The following ZNF385D variants were observed in gnomAD, a reference collection of about 807,000 sequenced individuals.
The protein encoded by ZNF385D is zinc finger protein 659.
ZNF385D carries 15 observed loss-of-function variants against 35.8 expected under a neutral mutation model. That is an observed-to-expected ratio of 0.42 (90% CI 0.28 to 0.64). The LOEUF (loss-of-function observed/expected upper bound fraction) is 0.64, where lower values mean the gene tolerates loss of function less well. Ranked by LOEUF, ZNF385D falls within the 30% of genes least tolerant of loss-of-function variation. The probability of loss-of-function intolerance (pLI) is 0.23; values close to 1 mark genes in which losing one functional copy is unlikely to be tolerated. For synonymous variants in ZNF385D, 212 were observed against 186.8 expected (o/e 1.13, Z -1.10); for missense variants, 474 against 494.6 (o/e 0.96, Z 0.39).
chr3:22,061,151 A>G (rs541721093), intron 3 of ZNF385D, among the ~76,000 whole-genome samples: 15 of 152,296 alleles, frequency 9.8e-5, no homozygotes, highest in Admixed American at 5.9e-4. Context: ...GTTGCAAAGA[A>G]TTATTCTCTC....
chr3:22,161,855 A>G (rs1054307689), intron 3 of ZNF385D, among the ~76,000 whole-genome samples: 6 of 152,196 alleles, frequency 3.9e-5, no homozygotes, highest in Non-Finnish European at 7.3e-5. Flanking sequence ...GTATGGTATA[A>G]TTTTGTTGAC....
intron 4 of ZNF385D, among the ~76,000 whole-genome samples, chr3:21,448,612 A>G (rs1702281472): frequency 6.6e-6 from 1 of 152,216 alleles, no homozygotes; most frequent in Non-Finnish European, 1.5e-5. Flanking sequence ...CAGATTATTT[A>G]CAGAAAGACT....
Position 21,725,874 on chromosome 3 carries a change from A to G in ZNF385D, c.22+25021T>C, listed in dbSNP as rs141779037. ...GACACCAAAACCCGGCAGAGACATA[A>G]CAAAAAAAATTTCAGGCCAATATCC... On this transcript the variant is annotated intron_variant, in intron 1 of 7. Transcript: ENST00000281523. Among the ~76,000 whole-genome samples the G allele has an allele frequency of 6.2e-4, 95 of 152,238 alleles. No homozygotes were observed. The East Asian group carries it at 0.017, about 27-fold the overall frequency.
chr3:21,535,967 G>T (rs890757293), intron 3 of ZNF385D, among the ~76,000 whole-genome samples: 67 of 149,598 alleles, frequency 4.5e-4, no homozygotes, highest in African/African-American at 1.6e-3. Context: ...CTGGGATGAA[G>T]AAAATATCCT....
At chr3:22,371,673 G>A (rs77043809) in intron 2 of ZNF385D, among the ~76,000 whole-genome samples, 3,408 of 152,230 alleles carry the variant, frequency 0.022, 128 homozygotes, top group African/African-American at 0.078. Flanking sequence ...CTCCCAAAAT[G>A]CAAGAGGTCA....
chr3:22,320,947 G>A (rs1428550739), intron 2 of ZNF385D, among the ~76,000 whole-genome samples: 11 of 151,692 alleles, frequency 7.3e-5, no homozygotes, highest in South Asian at 4.2e-4. Flanking sequence ...AAAATGGATC[G>A]TTAACAAAAG....
At chr3:21,944,522 A>G (rs1198666064) in intron 3 of ZNF385D, among the ~76,000 whole-genome samples, 2 of 152,236 alleles carry the variant, frequency 1.3e-5, no homozygotes, top group African/African-American at 2.4e-5. Context: ...GTTCGCAAGG[A>G]AAGGCTTGTC....
chr3:21,591,857 A>G (rs2063985752), intron 2 of ZNF385D, among the ~76,000 whole-genome samples: 1 of 152,074 alleles, frequency 6.6e-6, no homozygotes, highest in Non-Finnish European at 1.5e-5. Flanking sequence ...CTTTCATACC[A>G]ATGGCTTTCA....
chr3:22,059,713 G>C (rs538348792), intron 3 of ZNF385D, among the ~76,000 whole-genome samples: 1 of 152,122 alleles, frequency 6.6e-6, no homozygotes, highest in African/African-American at 2.4e-5. Context: ...GAGATTTTTC[G>C]ATTTTGTTTG....
intron 2 of ZNF385D, among the ~76,000 whole-genome samples, chr3:22,245,309 C>T (rs533350195): frequency 2.0e-5 from 3 of 152,026 alleles, no homozygotes; most frequent in African/African-American, 7.2e-5. Flanking sequence ...AGCATTCCTA[C>T]CATATGACAG....
intron 3 of ZNF385D, among the ~76,000 whole-genome samples, chr3:21,964,758 C>G (rs1386970907): frequency 6.6e-6 from 1 of 150,664 alleles, no homozygotes; most frequent in Admixed American, 6.6e-5. Context: ...TCCCAAAGTG[C>G]TGGGATTATA....
chr3:22,060,523 T>C (rs1699635670), intron 3 of ZNF385D, among the ~76,000 whole-genome samples: 2 of 152,196 alleles, frequency 1.3e-5, no homozygotes, highest in Admixed American at 1.3e-4. Context: ...TAAGTTTTCA[T>C]TTTGTAAAGC....
chr3:21,954,331 G>C (rs527891757), intron 3 of ZNF385D, among the ~76,000 whole-genome samples: 1 of 151,974 alleles, frequency 6.6e-6, no homozygotes, highest in South Asian at 2.1e-4. Context: ...GCCCCAATAT[G>C]TCTTTTGTTT....
rs10663615 is a variant in ZNF385D, at chr3:21,610,144, C to CA, written c.166-45461dup. ...CAATTTAGGCAACAGTCGCATCTAC[C>CA]AAAAAAAAAATGTGTTTATGCATAT... On this transcript the variant is annotated intron_variant, in intron 2 of 7. Transcript: ENST00000281523. 3.4e-3 allele frequency among the ~76,000 whole-genome samples: 514 copies of CA among 149,094 alleles called. 2 individuals are homozygous for CA. Among genetic ancestry groups the CA allele is most frequent in the Non-Finnish European group, 5.8e-3 (388 of 67,316 alleles).
At chr3:21,562,308 ATG>A (rs1473461247) in intron 3 of ZNF385D, among the ~76,000 whole-genome samples, 1 of 152,082 alleles carries the variant, frequency 6.6e-6, no homozygotes, top group African/African-American at 2.4e-5. Flanking sequence ...AAAAATATGT[ATG>A]TGTTTTCTAA....
chr3:21,758,833 C>A (rs1171724237), intron 3 of ZNF385D, among the ~76,000 whole-genome samples: 1 of 151,616 alleles, frequency 6.6e-6, no homozygotes, highest in Non-Finnish European at 1.5e-5. Flanking sequence ...CAGACACTGG[C>A]CTCTCACTTT....
rs1703469302 is a variant in ZNF385D at position 21,465,708 on chromosome 3, T to C, written c.440-28505A>G. Among the ~76,000 whole-genome samples the C allele has an allele frequency of 2.0e-5, 3 of 152,252 alleles. No homozygotes were observed. The South Asian group carries it at 6.2e-4, about 31-fold the overall frequency. ...TCTTCCTTTCCTGTGAAAATTCACC[T>C]GTGTGAATTTACAACATTTCTATAA... On this transcript the variant is annotated intron_variant, in intron 4 of 7. Transcript: ENST00000281523. The surrounding 1 kb of genome is among the most constrained non-coding windows in gnomAD (Gnocchi z 4.2).
At chr3:22,327,734 G>A (rs959081548) in intron 2 of ZNF385D, among the ~76,000 whole-genome samples, 2 of 152,180 alleles carry the variant, frequency 1.3e-5, no homozygotes, top group East Asian at 1.9e-4. Context: ...TATTTAAACG[G>A]AGCTCTAGGC....
At chr3:22,312,121 C>G (rs979640040) in intron 2 of ZNF385D, among the ~76,000 whole-genome samples, 1 of 152,118 alleles carries the variant, frequency 6.6e-6, no homozygotes, top group African/African-American at 2.4e-5. Context: ...TTCATAGGGA[C>G]TCTATTAATT....
Sources: allele counts gnomAD v4.1 joint callset (sites outside exome capture counted in the v4.1 genomes callset), GRCh38; gene constraint gnomAD v4.1.1; non-coding constraint Gnocchi (gnomAD v3.1); transcripts MANE v1.5; gene names NCBI Gene and HGNC (gene_info 2026-07-23, HGNC 2026-07-21).